DDAH1: variants seen among roughly 807,000 people sequenced by gnomAD.
DDAH1 encodes the protein N(G),N(G)-dimethylarginine dimethylaminohydrolase 1.
In DDAH1, 19 loss-of-function variants were observed where a neutral mutation model predicts 28.8. That is an observed-to-expected ratio of 0.66 (90% CI 0.46 to 0.97). The LOEUF is 0.97. Ranked by LOEUF, DDAH1 falls within the 50% of genes least tolerant of loss-of-function variation. DDAH1 has a pLI of 0.00. For missense variants in DDAH1, 326 were observed against 375.9 expected, an observed-to-expected ratio of 0.87 and a Z score of 1.10; for synonymous variants, 153 against 154.4, an observed-to-expected ratio of 0.99 and a Z score of 0.07.
intron 1 of DDAH1, among the ~76,000 whole-genome samples, chr1:85,448,379 G>A (rs976051227): frequency 2.0e-5 from 3 of 152,294 alleles, no homozygotes; most frequent in African/African-American, 7.2e-5. Context: ...GATAAGGAAT[G>A]GCAGGAATTA....
intron 4 of DDAH1, among the ~76,000 whole-genome samples, chr1:85,347,258 G>A (rs553974243): frequency 2.8e-4 from 42 of 151,750 alleles, no homozygotes; most frequent in Admixed American, 1.3e-3. Flanking sequence ...CAGCCATCCC[G>A]TTACTGAGTA....
Position 85,508,326 on chromosome 1 carries a change from C to T in DDAH1, c.-122-12045G>A, listed in dbSNP as rs532075403. On this transcript the variant is annotated intron_variant, in intron 1 of 6. Coordinates refer to the DDAH1 transcript ENST00000426972. ...TCATCAAGTAGATGATATAAAATTC[C>T]TTTTAAAAAGGCAAGGTAAGATAGG... Among the ~76,000 whole-genome samples, 59 of 152,304 alleles carry T rather than the reference C, an allele frequency of 3.9e-4. No individual in the cohort carries two copies. The South Asian group carries it at 9.9e-3, about 26-fold the overall frequency.
In DDAH1 at chr1:85,321,056, A is replaced by G. The variant is rs1287017181; in HGVS notation, c.*396T>C. On this transcript the variant is annotated 3_prime_UTR_variant, in exon 6 of 6. Transcript: ENST00000284031. ...CCAGGGACTTTCACAGGAACCAAAC[A>G]TGATTCATGAAAAAAAAAAAAAAAA... The G allele has an allele frequency of 6.7e-6, 1 of 148,634 alleles. No individual in the cohort carries two copies. Among genetic ancestry groups the G allele is most frequent in the Non-Finnish European group, 1.5e-5 (1 of 68,536 alleles). The allele number at this position is 148,634 out of a possible 1,614,324, so 9.2% of individuals were successfully genotyped here. A position where few individuals can be genotyped will look rare whatever the true frequency, so the allele number is the denominator to read the frequency against.
chr1:85,428,797 C>G (rs1480532279), intron 1 of DDAH1, among the ~76,000 whole-genome samples: 1 of 152,026 alleles, frequency 6.6e-6, no homozygotes, highest in Non-Finnish European at 1.5e-5. Flanking sequence ...AGCATTTTAG[C>G]TAGAGGATAA....
chr1:85,379,040 C>T (rs1385906493), intron 1 of DDAH1, among the ~76,000 whole-genome samples: 1 of 152,168 alleles, frequency 6.6e-6, no homozygotes, highest in East Asian at 1.9e-4. Flanking sequence ...ACTAAAATAG[C>T]ACTTAATCTA....
At chr1:85,527,297 GT>G (rs1287896349) in intron 1 of DDAH1, among the ~76,000 whole-genome samples, 1 of 151,936 alleles carries the variant, frequency 6.6e-6, no homozygotes, top group Non-Finnish European at 1.5e-5. Context: ...ACCATTGGCT[GT>G]CTGCCAGCGA....
intron 1 of DDAH1, among the ~76,000 whole-genome samples, chr1:85,460,403 C>A (rs550304221): frequency 6.6e-6 from 1 of 152,288 alleles, no homozygotes; most frequent in East Asian, 1.9e-4. Flanking sequence ...TTGACTTCTT[C>A]CTGAAGAGGC....
intron 1 of DDAH1, among the ~76,000 whole-genome samples, chr1:85,557,755 T>C (rs1557759441): frequency 6.6e-6 from 1 of 152,164 alleles, no homozygotes; most frequent in Non-Finnish European, 1.5e-5. Context: ...CAGGGGGCCC[T>C]ATTCCAATAT....
At chr1:85,473,445 T>A (rs1319574726) in intron 2 of DDAH1, among the ~76,000 whole-genome samples, 1 of 152,136 alleles carries the variant, frequency 6.6e-6, no homozygotes, top group Non-Finnish European at 1.5e-5. Context: ...AAGAAAAACA[T>A]TACTCTACAT....
chr1:85,490,455 T>C (rs1286795088), intron 2 of DDAH1, among the ~76,000 whole-genome samples: 1 of 152,186 alleles, frequency 6.6e-6, no homozygotes, highest in African/African-American at 2.4e-5. Context: ...ATTGAACCAC[T>C]GGAGACAAGG....
chr1:85,436,554 C>T (rs2100645224), intron 1 of DDAH1, among the ~76,000 whole-genome samples: 1 of 152,326 alleles, frequency 6.6e-6, no homozygotes, highest in Non-Finnish European at 1.5e-5. Flanking sequence ...CACTATGAAC[C>T]TCAGTCAGAG....
chr1:85,368,201 T>C (rs1288856435), intron 1 of DDAH1, among the ~76,000 whole-genome samples: 1 of 152,188 alleles, frequency 6.6e-6, no homozygotes, highest in Non-Finnish European at 1.5e-5. Flanking sequence ...AGCACAATTG[T>C]TGCAGCTCTG....
chr1:85,414,107 T>A (rs2100601326), intron 1 of DDAH1, among the ~76,000 whole-genome samples: 1 of 152,256 alleles, frequency 6.6e-6, no homozygotes, highest in African/African-American at 2.4e-5. Flanking sequence ...ATTAATACAG[T>A]GGTATGGTAG....
At chr1:85,460,181 T>C (rs1034259705) in intron 1 of DDAH1, among the ~76,000 whole-genome samples, 19 of 152,244 alleles carry the variant, frequency 1.2e-4, no homozygotes, top group African/African-American at 4.6e-4. Context: ...TTAGACATTA[T>C]CTTGATGTTC....
intron 1 of DDAH1, among the ~76,000 whole-genome samples, chr1:85,555,615 T>C (rs1658939818): frequency 6.6e-6 from 1 of 152,190 alleles, no homozygotes; most frequent in African/African-American, 2.4e-5. Context: ...CAGCCAGATA[T>C]GCCCACACCC....
intron 1 of DDAH1, among the ~76,000 whole-genome samples, chr1:85,576,092 GA>G (rs148370998): frequency 2.7e-5 from 4 of 147,746 alleles, no homozygotes; most frequent in African/African-American, 7.5e-5. Context: ...TAAAAAAAAA[GA>G]AAAAAAAAAG....
At chr1:85,451,335 C>T (rs1654662814) in intron 1 of DDAH1, among the ~76,000 whole-genome samples, 1 of 152,090 alleles carries the variant, frequency 6.6e-6, no homozygotes, top group African/African-American at 2.4e-5. Flanking sequence ...TTTAGAAAGA[C>T]AAAAAGCATA....
chr1:85,416,227 T>G (rs966675301), intron 1 of DDAH1, among the ~76,000 whole-genome samples: 14 of 152,112 alleles, frequency 9.2e-5, no homozygotes, highest in African/African-American at 3.4e-4. Context: ...TTGGTTTCCT[T>G]CTATATATAG....
intron 1 of DDAH1, among the ~76,000 whole-genome samples, chr1:85,359,456 C>G (rs1327871258): frequency 6.6e-6 from 1 of 152,100 alleles, no homozygotes; most frequent in African/African-American, 2.4e-5. Flanking sequence ...ACCCAATTAT[C>G]CTACCCTTGC....
Sources: allele counts gnomAD v4.1 joint callset (sites outside exome capture counted in the v4.1 genomes callset), GRCh38; gene constraint gnomAD v4.1.1; transcripts MANE v1.5; gene names NCBI Gene and HGNC (gene_info 2026-07-23, HGNC 2026-07-21).